Variants in GABRR2 observed in about 807,000 individuals in gnomAD.
The protein encoded by GABRR2 is gamma-aminobutyric acid type A receptor subunit rho2, also known as gamma-aminobutyric acid receptor subunit rho-2.
GABRR2 carries 36 observed loss-of-function variants against 47.0 expected under a neutral mutation model. The ratio of observed to expected loss-of-function variants is 0.77; its 90% CI spans 0.59 to 1.01. The LOEUF (loss-of-function observed/expected upper bound fraction) is 1.01, where lower values mean the gene tolerates loss of function less well. Ranked by LOEUF, GABRR2 falls within the 50% of genes least tolerant of loss-of-function variation. The pLI is 0.00. For missense variants in GABRR2, 587 were observed against 594.6 expected (o/e 0.99, Z 0.13); for synonymous variants, 204 against 227.5 (o/e 0.90, Z 0.93).
Position 89,257,778 on chromosome 6 carries a change from C to T in GABRR2, c.1290G>A (p.Thr430=), listed in dbSNP as rs1413356882. 18 of 1,613,880 alleles carry T rather than the reference C, an allele frequency of 1.1e-5. No individual in the cohort carries two copies. The highest frequency in any genetic ancestry group is 6.7e-5 in the East Asian group (3 of 44,896). ...GGGTATTCTGGAAGATACGAAAACC[C>T]GTCTGGCCCTTCAGAAGCCCCTTCT... ...ARKKGLLKGQ[T]GFRIFQNTHA... Residue 430 remains threonine, a synonymous_variant, in exon 9 of 9, where the codon ACG becomes ACA. Transcript: ENST00000402938.
chr6:89,259,453 A>C (rs181077005), intron 8 of GABRR2, among the ~76,000 whole-genome samples: 9 of 151,576 alleles, frequency 5.9e-5, no homozygotes, highest in Non-Finnish European at 8.8e-5. Flanking sequence ...TGATTGTTTC[A>C]TTATTAGTTT....
At chr6:89,276,087 A>G (rs12194440) in intron 2 of GABRR2, among the ~76,000 whole-genome samples, 9,164 of 147,712 alleles carry the variant, frequency 0.062, 416 homozygotes, top group Non-Finnish European at 0.094. Flanking sequence ...TAAATTATAA[A>G]TCATTATTTA....
At position 89,315,052 on chromosome 6, in the gene GABRR2, C is replaced by T; in HGVS notation, c.113+1G>A. On this transcript the variant is annotated splice_donor_variant, in intron 1 of 8. Coordinates refer to ENST00000402938, the MANE Select transcript of GABRR2 (RefSeq NM_002043.5). LOFTEE classifies it high-confidence loss of function. ...CCCTCCTTTCCCACCTATGACTTTACCTTGGCTTGGGCATTTCCACCTGCC... is the reference window on the plus strand; with the variant it reads ...CCCTCCTTTCCCACCTATGACTTTATCTTGGCTTGGGCATTTCCACCTGCC... 1 of 1,612,628 alleles carries T rather than the reference C, an allele frequency of 6.2e-7. No individual in the cohort carries two copies. The highest frequency in any genetic ancestry group is 8.5e-7 in the Non-Finnish European group (1 of 1,179,030).
chr6:89,273,033 T>C (rs925944028), intron 2 of GABRR2, among the ~76,000 whole-genome samples: 1 of 152,228 alleles, frequency 6.6e-6, no homozygotes, highest in African/African-American at 2.4e-5. Context: ...CTGAGCCTGA[T>C]AGAATGGAAG....
At chr6:89,264,222 C>A (rs1358078121) in intron 8 of GABRR2, among the ~76,000 whole-genome samples, 190 bp downstream of exon 8, 1 of 152,156 alleles carries the variant, frequency 6.6e-6, no homozygotes, top group Non-Finnish European at 1.5e-5. Context: ...TAGTCTTTGT[C>A]TAAAGACCTT....
intron 3 of GABRR2, 79 bp from the exon 4 acceptor site, chr6:89,269,313 G>A: frequency 9.5e-7 from 1 of 1,048,700 alleles, no homozygotes; most frequent in South Asian, 1.3e-5. Flanking sequence ...ATTCACTACT[G>A]TGGTGAACAT....
chr6:89,285,579 C>T (rs539805488), intron 2 of GABRR2, among the ~76,000 whole-genome samples: 1 of 152,232 alleles, frequency 6.6e-6, no homozygotes, highest in African/African-American at 2.4e-5. Flanking sequence ...TCTTCGGCCG[C>T]TCCTCCCCAG....
At chr6:89,260,852 A>G (rs1431577523) in intron 8 of GABRR2, among the ~76,000 whole-genome samples, 1 of 152,192 alleles carries the variant, frequency 6.6e-6, no homozygotes, top group African/African-American at 2.4e-5. Flanking sequence ...CTCTATTGGG[A>G]AACATTTCAA....
Position 89,255,480 on chromosome 6 carries a change from A to G in GABRR2, c.*2190T>C, listed in dbSNP as rs1342376443. On this transcript the variant is annotated 3_prime_UTR_variant, in exon 9 of 9. Coordinates refer to ENST00000402938, the MANE Select transcript of GABRR2 (RefSeq NM_002043.5). ...TTCTAAACAAGTCCAGATGCCCTGT[A>G]CCACCCAATTACCCATATTTATGCA... Among the ~76,000 whole-genome samples the G allele has an allele frequency of 6.6e-6, 1 of 152,168 alleles. No individual in the cohort carries two copies. Among genetic ancestry groups the G allele is most frequent in the Non-Finnish European group, 1.5e-5 (1 of 68,026 alleles).
intron 1 of GABRR2, chr6:89,301,957 T>A (rs1185139759): frequency 1.1e-6 from 1 of 902,092 alleles, no homozygotes; most frequent in African/African-American, 1.6e-5. Context: ...TTCTCATAAG[T>A]ATGTGCCTCG....
Position 89,301,296 on chromosome 6 carries a change from T to A in GABRR2, c.114-1431A>T, listed in dbSNP as rs111843361. On this transcript the variant is annotated intron_variant, in intron 1 of 8. Transcript: ENST00000402938. ...CTAAATGGGCAAATGCTGGAAACAT[T>A]CCCCTTGAAAACCAGCACAAGACAA... 7.5e-4 allele frequency among the ~76,000 whole-genome samples: 114 copies of A among 152,156 alleles called. 1 individual carries two copies. Among genetic ancestry groups the A allele is most frequent in the Middle Eastern group, 3.4e-3 (1 of 294 alleles).
At chr6:89,293,787 A>C (rs1456068349) in intron 2 of GABRR2, among the ~76,000 whole-genome samples, 1 of 151,798 alleles carries the variant, frequency 6.6e-6, no homozygotes, top group African/African-American at 2.4e-5. Flanking sequence ...ACCATGTCTC[A>C]GATAAATAAA....
chr6:89,259,879 C>CTT (rs1197165304), intron 8 of GABRR2, among the ~76,000 whole-genome samples: 23 of 94,470 alleles, frequency 2.4e-4, no homozygotes, highest in African/African-American at 1.5e-3. Flanking sequence ...TCATCTCTCT[C>CTT]TCTCTTTTTT....
intron 1 of GABRR2, among the ~76,000 whole-genome samples, chr6:89,311,511 C>A (rs1479400830): frequency 6.6e-6 from 1 of 152,180 alleles, no homozygotes; most frequent in Non-Finnish European, 1.5e-5. Context: ...GGCCCTCAGA[C>A]CCTAGACTCC....
chr6:89,298,581 G>T (rs1395532378), intron 2 of GABRR2, among the ~76,000 whole-genome samples: 1 of 152,154 alleles, frequency 6.6e-6, no homozygotes, highest in Non-Finnish European at 1.5e-5. Context: ...AGCCCGCCTG[G>T]GTCTGTCTTG....
At chr6:89,284,705 G>T (rs79103927) in intron 2 of GABRR2, among the ~76,000 whole-genome samples, 1 of 152,196 alleles carries the variant, frequency 6.6e-6, no homozygotes, top group Admixed American at 6.5e-5. Flanking sequence ...CCCTGCTGAC[G>T]CCTTGCTTCT....
intron 2 of GABRR2, among the ~76,000 whole-genome samples, chr6:89,272,679 C>T (rs908392455): frequency 6.6e-6 from 1 of 152,296 alleles, no homozygotes; most frequent in South Asian, 2.1e-4. Context: ...CCTAGCTGCA[C>T]GTGGGTCCTC....
chr6:89,278,071 G>A (rs1774197933), intron 2 of GABRR2, among the ~76,000 whole-genome samples: 1 of 152,196 alleles, frequency 6.6e-6, no homozygotes, highest in Admixed American at 6.5e-5. Flanking sequence ...TCTGTCTCTA[G>A]TATAGGATAC....
At chr6:89,269,286 CT>C in intron 3 of GABRR2, 52 bp from the exon 4 acceptor site, 2 of 1,377,672 alleles carry the variant, frequency 1.5e-6, no homozygotes, top group East Asian at 2.3e-5. Context: ...GGTTTTCTTC[CT>C]TACAATCAAC....
Sources: allele counts gnomAD v4.1 joint callset (sites outside exome capture counted in the v4.1 genomes callset), GRCh38; gene constraint gnomAD v4.1.1; transcripts MANE v1.5; gene names NCBI Gene and HGNC (gene_info 2026-07-23, HGNC 2026-07-21).